Variants in UBE2L6 observed in about 807,000 individuals in gnomAD.
UBE2L6 encodes the protein ubiquitin/ISG15-conjugating enzyme E2 L6.
UBE2L6 carries 11 observed loss-of-function variants against 13.6 expected under a neutral mutation model. The observed-to-expected ratio is 0.81, with a 90% CI of 0.51 to 1.34. UBE2L6 has a LOEUF of 1.34. UBE2L6 is among the 40% of genes most tolerant of loss of function. The pLI is 0.00. For synonymous variants in UBE2L6, 74 were observed against 83.2 expected (o/e 0.89, Z 0.60); for missense variants, 197 against 199.5 (o/e 0.99, Z 0.07).
chr11:57,564,127 C>T (rs540406861), intron 1 of UBE2L6, among the ~76,000 whole-genome samples: 1 of 151,972 alleles, frequency 6.6e-6, no homozygotes, highest in Non-Finnish European at 1.5e-5. Context: ...CAGACTTAAC[C>T]CAAAGAAGAC....
chr11:57,556,374 C>T (rs977815376), intron 2 of UBE2L6, among the ~76,000 whole-genome samples: 7 of 152,026 alleles, frequency 4.6e-5, no homozygotes, highest in African/African-American at 1.4e-4. Flanking sequence ...CCCCTGAGGT[C>T]GGGAGTTCAA....
chr11:57,559,557 C>T (rs542746285), intron 2 of UBE2L6, among the ~76,000 whole-genome samples: 3 of 152,064 alleles, frequency 2.0e-5, no homozygotes, highest in South Asian at 2.1e-4. Flanking sequence ...TTGCAGGAAA[C>T]GAACATCGCA....
At position 57,559,574 on chromosome 11, in the gene UBE2L6, C is replaced by T. The variant is rs138819398; in HGVS notation, c.123+763G>A. ...GCAGGAAACGAACATCGCATCACTG[C>T]ACTCCAGCCTGGGTGACACAGTAAG... On this transcript the variant is annotated intron_variant, in intron 2 of 3. Coordinates refer to ENST00000287156, the MANE Select transcript of UBE2L6 (RefSeq NM_004223.5). Among the ~76,000 whole-genome samples the T allele has an allele frequency of 2.9e-3, 448 of 152,088 alleles. 2 individuals are homozygous for T. The highest frequency in any genetic ancestry group is 0.01 in the African/African-American group (420 of 41,468).
upstream of UBE2L6, chr11:57,567,790 G>A (rs941408881): frequency 7.7e-6 from 5 of 648,118 alleles, no homozygotes; most frequent in African/African-American, 1.9e-5. Flanking sequence ...GGCCGTCGAA[G>A]GACGACCCGC....
At chr11:57,552,648 A>C in intron 3 of UBE2L6, 139 bp from the exon 4 acceptor site, 1 of 1,103,528 alleles carries the variant, frequency 9.1e-7, no homozygotes, top group Non-Finnish European at 1.3e-6. Flanking sequence ...CGACCAGATC[A>C]AACGCCCCGC....
At chr11:57,559,208 A>G (rs1249415508) in intron 2 of UBE2L6, among the ~76,000 whole-genome samples, 1 of 152,214 alleles carries the variant, frequency 6.6e-6, no homozygotes, top group Non-Finnish European at 1.5e-5. Context: ...AACCCAAGGG[A>G]CTTGACAGAG....
rs75928766 is a variant in UBE2L6, at chr11:57,567,242, A to G, written c.27+343T>C. ...CACCAGCAGTAGCAGAATGCCTGGC[A>G]CCAAGATGCCAAGGACTTTTCCTGC... On this transcript the variant is annotated intron_variant, in intron 1 of 3. Coordinates refer to ENST00000287156, the MANE Select transcript of UBE2L6 (RefSeq NM_004223.5). 4.6e-3 allele frequency: 2,194 copies of G among 473,020 alleles called. 44 individuals are homozygous for G. Among genetic ancestry groups the G allele is most frequent in the African/African-American group, 0.039 (1,996 of 51,130 alleles). 29.3% of individuals were successfully genotyped at this position (473,020 alleles called of 1,614,324 possible).
At chr11:57,561,963 C>A (rs1232893157) in intron 1 of UBE2L6, among the ~76,000 whole-genome samples, 1 of 152,192 alleles carries the variant, frequency 6.6e-6, no homozygotes, top group African/African-American at 2.4e-5. Context: ...TTTTACCCAG[C>A]CAGGGACATT....
At chr11:57,552,621 C>T (rs1944968495) in intron 3 of UBE2L6, 112 bp from the exon 4 acceptor site, 6 of 1,367,420 alleles carry the variant, frequency 4.4e-6, no homozygotes, top group South Asian at 1.3e-5. Context: ...AAGGTTACAT[C>T]GCTTAGGATT....
In UBE2L6 at chr11:57,567,662, A is replaced by AC. The variant is rs759577639; in HGVS notation, c.-52dup. 5.1e-6 allele frequency: 8 copies of AC among 1,571,022 alleles called. No homozygotes were observed. The highest frequency in any genetic ancestry group is 6.9e-6 in the Non-Finnish European group (8 of 1,156,840). ...TGGCCTCCAGCAGGACCGAGCTCCG[A>AC]CCCGCGACACAGCGCGCCCCGCCCC... On this transcript the variant is annotated 5_prime_UTR_variant, in exon 1 of 4. Coordinates refer to ENST00000287156, the MANE Select transcript of UBE2L6 (RefSeq NM_004223.5).
chr11:57,556,824 GCCTGTAAT>G (rs1458250305), intron 2 of UBE2L6, among the ~76,000 whole-genome samples: 1 of 151,798 alleles, frequency 6.6e-6, no homozygotes, highest in Non-Finnish European at 1.5e-5. Flanking sequence ...GGTGGCTCGC[GCCTGTAAT>G]CCTAGCACTT....
intron 3 of UBE2L6, among the ~76,000 whole-genome samples, chr11:57,553,987 G>C (rs767815737): frequency 6.6e-6 from 1 of 152,162 alleles, no homozygotes; most frequent in Non-Finnish European, 1.5e-5. Flanking sequence ...TCACGGGCTT[G>C]TTGGGGAAAT....
At chr11:57,564,487 A>T (rs1359987276) in intron 1 of UBE2L6, among the ~76,000 whole-genome samples, 2 of 152,140 alleles carry the variant, frequency 1.3e-5, no homozygotes, top group Admixed American at 1.3e-4. Flanking sequence ...TCAGAAATTT[A>T]AAAAAATTTT....
At position 57,552,400 on chromosome 11, in the gene UBE2L6, G is replaced by A. The variant is rs1267468552; in HGVS notation, c.420C>T (p.Ala140=). 9 of 1,614,028 alleles carry A rather than the reference G, an allele frequency of 5.6e-6. No homozygotes were observed. The highest frequency in any genetic ancestry group is 5.3e-5 in the African/African-American group (4 of 74,898). Residue 140 remains alanine, a synonymous_variant, in exon 4 of 4, where the codon GCC becomes GCT. Coordinates refer to ENST00000287156, the MANE Select transcript of UBE2L6 (RefSeq NM_004223.5). ...TQNPELFRKN[A]EEFTLRFGVD... is the part of the protein sequence containing the mutation. ...CTCCGAATCGGAGGGTGAACTCTTCGGCATTCTTTCTGAACAGCTCCGGAT... is the reference window on the plus strand; with the variant it reads ...CTCCGAATCGGAGGGTGAACTCTTCAGCATTCTTTCTGAACAGCTCCGGAT...
rs10624657 is a variant in UBE2L6, at chr11:57,566,947, G to GC, written c.27+637dup. The GC allele has an allele frequency of 9.0e-3, 920 of 102,358 alleles. 6 individuals are homozygous for GC. Among genetic ancestry groups the GC allele is most frequent in the Non-Finnish European group, 0.012 (600 of 51,558 alleles). 6.3% of individuals were successfully genotyped at this position (102,358 alleles called of 1,614,324 possible). On this transcript the variant is annotated intron_variant, in intron 1 of 3. Transcript: ENST00000287156. The stretch of plus-strand genomic sequence containing the variant: ...GCCGGATTTGTGTTCATCTCTGCCC[G>GC]CCCCCCCCCCCCTCCTAGAACAGGG...
At chr11:57,567,714 C>T, upstream of UBE2L6, 1 of 1,398,996 alleles carries the variant, frequency 7.1e-7, no homozygotes, top group Non-Finnish European at 9.7e-7. Flanking sequence ...CCCCGGCAGC[C>T]CCGCCCACCC....
At chr11:57,558,131 T>C (rs376962572) in intron 2 of UBE2L6, among the ~76,000 whole-genome samples, 1 of 152,184 alleles carries the variant, frequency 6.6e-6, no homozygotes, top group East Asian at 1.9e-4. Flanking sequence ...CAGGCTGGAG[T>C]GCGATGGCCC....
In UBE2L6 at chr11:57,554,514, T is replaced by C. The variant is rs750655918; in HGVS notation, c.233A>G (p.Asn78Ser). The change falls in exon 3 of 4, where the codon AAC (asparagine) becomes AGC (serine). Residue 78 changes from asparagine to serine, a missense_variant. Physicochemically the swap from Asn to Ser is conservative, Grantham distance 46. Transcript: ENST00000287156. ...IKFTTKIYHP[N>S]VDENGQICLP... The stretch of plus-strand genomic sequence containing the variant: ...GCAAATCTGTCCGTTCTCGTCCACG[T>C]TGGGGTGGTAGATCTTGGTTGTGAA... 18 of 1,614,084 alleles carry C rather than the reference T, an allele frequency of 1.1e-5. No homozygotes were observed. The highest frequency in any genetic ancestry group is 2.2e-5 in the East Asian group (1 of 44,878).
At chr11:57,554,328 T>C (rs1294645296) in intron 3 of UBE2L6, 109 bp downstream of exon 3, 2 of 1,369,162 alleles carry the variant, frequency 1.5e-6, no homozygotes, top group Non-Finnish European at 2.0e-6. Flanking sequence ...GACTCACAAT[T>C]TTTATCTCCT....
Sources: allele counts gnomAD v4.1 joint callset (sites outside exome capture counted in the v4.1 genomes callset), GRCh38; gene constraint gnomAD v4.1.1; transcripts MANE v1.5; gene names NCBI Gene and HGNC (gene_info 2026-07-23, HGNC 2026-07-21).